The following PDE4B variants were observed in gnomAD, a reference collection of about 807,000 sequenced individuals.
PDE4B encodes the protein 3',5'-cyclic-AMP phosphodiesterase 4B.
Under a neutral mutation model 82.2 loss-of-function variants are expected in PDE4B, and 20 were observed. That is an observed-to-expected ratio of 0.24 (90% confidence interval 0.17 to 0.35). The LOEUF (loss-of-function observed/expected upper bound fraction) is 0.35, where lower values mean the gene tolerates loss of function less well. Ranked by LOEUF, PDE4B falls within the 10% of genes least tolerant of loss-of-function variation. The probability of loss-of-function intolerance (pLI) is 1.00; values close to 1 mark genes in which losing one functional copy is unlikely to be tolerated. For missense variants in PDE4B, 655 were observed against 907.2 expected (o/e 0.72, Z 3.57); for synonymous variants, 320 against 318.9 (o/e 1.00, Z -0.04).
At chr1:66,123,283 G>C (rs1020545177) in intron 3 of PDE4B, among the ~76,000 whole-genome samples, 5 of 152,108 alleles carry the variant, frequency 3.3e-5, no homozygotes, top group African/African-American at 1.2e-4. Context: ...AACAGTTTTG[G>C]CAAAAGTGCA....
intron 3 of PDE4B, among the ~76,000 whole-genome samples, chr1:66,211,806 T>C (rs1480926041): frequency 2.6e-5 from 4 of 152,234 alleles, no homozygotes; most frequent in Admixed American, 2.0e-4. Context: ...TCATAGAACA[T>C]AGCATTGTTG....
intron 1 of PDE4B, among the ~76,000 whole-genome samples, chr1:65,889,540 T>G (rs896021793): frequency 1.3e-5 from 2 of 152,172 alleles, no homozygotes; most frequent in Non-Finnish European, 2.9e-5. Context: ...AGTTGTAATT[T>G]TTTGAAACAT....
intron 1 of PDE4B, among the ~76,000 whole-genome samples, chr1:65,806,676 G>A (rs1267797623): frequency 6.6e-6 from 1 of 152,192 alleles, no homozygotes; most frequent in East Asian, 1.9e-4. Flanking sequence ...CTTGCCTTGT[G>A]ATTCCTGCTT....
intron 3 of PDE4B, among the ~76,000 whole-genome samples, chr1:65,938,516 G>A (rs948316198): frequency 1.3e-5 from 2 of 152,164 alleles, no homozygotes; most frequent in Non-Finnish European, 2.9e-5. Context: ...AGAAAAGGAA[G>A]CATTGTGCTT....
At chr1:66,087,884 G>A (rs1311541514) in intron 3 of PDE4B, among the ~76,000 whole-genome samples, 2 of 107,158 alleles carry the variant, frequency 1.9e-5, no homozygotes, top group Admixed American at 1.1e-4. Context: ...GGGGGGAGGG[G>A]GGAGGGATAG....
intron 3 of PDE4B, among the ~76,000 whole-genome samples, chr1:66,059,425 G>A (rs907534179): frequency 1.3e-5 from 2 of 152,156 alleles, no homozygotes; most frequent in African/African-American, 2.4e-5. Context: ...CCAATTTGCT[G>A]TATTAGTCTG....
intron 3 of PDE4B, among the ~76,000 whole-genome samples, chr1:66,119,957 G>A (rs1054143091): frequency 6.6e-6 from 1 of 152,152 alleles, no homozygotes; most frequent in African/African-American, 2.4e-5. Context: ...CTTAGAGAGA[G>A]GCATGGAACA....
At chr1:66,371,295 C>T (rs541613383) in intron 16 of PDE4B, among the ~76,000 whole-genome samples, 2 of 150,530 alleles carry the variant, frequency 1.3e-5, no homozygotes, top group South Asian at 2.1e-4. Context: ...GCCCTTTGAC[C>T]ATCTACCCCT....
At position 66,131,500 on chromosome 1, in the gene PDE4B, T is replaced by C. The variant is rs758455940; in HGVS notation, c.282-115960T>C. Among the ~76,000 whole-genome samples, 33 of 147,740 alleles carry C rather than the reference T, an allele frequency of 2.2e-4. 1 individual carries two copies. Among genetic ancestry groups the C allele is most frequent in the Non-Finnish European group, 6.0e-5 (4 of 67,106 alleles). On this transcript the variant is annotated intron_variant, in intron 3 of 16. Transcript: ENST00000341517. ...ACATAAGAGAGAAAATGAGTACTTA[T>C]ATTAAAAATATGTATATGTTGGCTA...
chr1:65,960,480 A>G (rs1015839054), intron 3 of PDE4B, among the ~76,000 whole-genome samples: 9 of 152,090 alleles, frequency 5.9e-5, no homozygotes, highest in Admixed American at 5.9e-4. Flanking sequence ...TTTTGGGTTT[A>G]ACATCACTTT....
chr1:65,986,636 T>G (rs1437868506), intron 3 of PDE4B, among the ~76,000 whole-genome samples: 1 of 152,204 alleles, frequency 6.6e-6, no homozygotes, highest in Non-Finnish European at 1.5e-5. Flanking sequence ...ATTCATTCAA[T>G]GAATATTTGT....
At chr1:65,978,871 C>T (rs1019982529) in intron 3 of PDE4B, among the ~76,000 whole-genome samples, 3 of 152,106 alleles carry the variant, frequency 2.0e-5, no homozygotes, top group East Asian at 3.9e-4. Flanking sequence ...CTTTTTTATA[C>T]ATCTGGGATT....
chr1:66,016,205 A>T (rs1373932112), intron 3 of PDE4B, among the ~76,000 whole-genome samples: 1 of 152,200 alleles, frequency 6.6e-6, no homozygotes, highest in Non-Finnish European at 1.5e-5. Context: ...AGCACCTGAG[A>T]CGTAATAACC....
At position 66,332,768 on chromosome 1, in the gene PDE4B, T is replaced by C. The variant is rs1660222407; in HGVS notation, c.747+148T>C. 8 of 678,458 alleles carry C rather than the reference T, an allele frequency of 1.2e-5. No homozygotes were observed. The South Asian group carries it at 1.6e-4, about 13-fold the overall frequency. 42.0% of individuals were successfully genotyped at this position (678,458 alleles called of 1,614,324 possible). On this transcript the variant is annotated intron_variant, in intron 8 of 16. Transcript: ENST00000341517. ...TTGTCTAGAAGATTCTCTTCCAAAG[T>C]GTCACACTCTACTTGTGTCTTGATG...
chr1:66,233,574 G>A (rs1354892878), intron 3 of PDE4B, among the ~76,000 whole-genome samples: 1 of 152,206 alleles, frequency 6.6e-6, no homozygotes, highest in Non-Finnish European at 1.5e-5. Context: ...GAAGCGGAAA[G>A]AACAGGCATT....
chr1:65,889,515 A>G (rs910147333), intron 1 of PDE4B, among the ~76,000 whole-genome samples: 14 of 152,096 alleles, frequency 9.2e-5, no homozygotes, highest in South Asian at 2.1e-4. Context: ...ATTGCTAAAA[A>G]AATAAATAAA....
intron 1 of PDE4B, among the ~76,000 whole-genome samples, chr1:65,805,226 A>C (rs1398595148): frequency 1.3e-5 from 2 of 152,072 alleles, no homozygotes; most frequent in Non-Finnish European, 2.9e-5. Context: ...TGGCCTCCCA[A>C]AGTGCTGGGA....
intron 3 of PDE4B, among the ~76,000 whole-genome samples, chr1:66,196,416 A>G (rs1241088498): frequency 6.6e-6 from 1 of 152,200 alleles, no homozygotes; most frequent in Non-Finnish European, 1.5e-5. Flanking sequence ...TAGGCACAGA[A>G]GGGTTCAGGC....
intron 3 of PDE4B, among the ~76,000 whole-genome samples, chr1:65,964,987 G>A (rs1649738901): frequency 6.6e-6 from 1 of 152,058 alleles, no homozygotes; most frequent in Non-Finnish European, 1.5e-5. Flanking sequence ...TACTGTTGAA[G>A]CACGCTCGGC....
Sources: gnomAD v4.1 joint callset for allele counts (sites outside exome capture counted in the v4.1 genomes callset) on GRCh38, gnomAD v4.1.1 for gene constraint, MANE v1.5 for transcripts, NCBI Gene and HGNC (gene_info 2026-07-23, HGNC 2026-07-21) for gene names.